Variants in NCAM2 observed in about 807,000 individuals in gnomAD.
NCAM2 encodes the protein neural cell adhesion molecule 2.
A neutral mutation model predicts 98.1 loss-of-function variants in NCAM2; 30 were observed. The observed-to-expected ratio is 0.31, with a 90% CI of 0.23 to 0.41. The LOEUF (loss-of-function observed/expected upper bound fraction) is 0.41, where lower values mean the gene tolerates loss of function less well. Ranked by LOEUF, NCAM2 falls within the 10% of genes least tolerant of loss-of-function variation. NCAM2 has a pLI of 1.00. For missense variants in NCAM2, 867 were observed against 1,005.8 expected (o/e 0.86, Z 1.87); for synonymous variants, 368 against 342.4 (o/e 1.07, Z -0.83).
In NCAM2 at chr21:21,174,010, G is replaced by A. The variant is rs560825395; in HGVS notation, c.56-106568G>A. Reference sequence around the variant, plus strand: ...GCAATCTCAGCTCACTGCAACCTCCGCCTCCCGAGTTCAAGCGATTCTCCT... The same window carrying A: ...GCAATCTCAGCTCACTGCAACCTCCACCTCCCGAGTTCAAGCGATTCTCCT... On this transcript the variant is annotated intron_variant, in intron 1 of 17. Transcript: ENST00000400546. 1.1e-4 allele frequency among the ~76,000 whole-genome samples: 16 copies of A among 152,102 alleles called. 1 individual carries two copies. Among genetic ancestry groups the A allele is most frequent in the Middle Eastern group, 3.4e-3 (1 of 292 alleles).
intron 1 of NCAM2, among the ~76,000 whole-genome samples, chr21:21,131,267 G>T (rs191258593): frequency 1.5e-5 from 2 of 130,118 alleles, no homozygotes; most frequent in African/African-American, 3.2e-5. Flanking sequence ...TATTTCTAGG[G>T]TTTAATTTTT....
At chr21:21,274,297 A>G (rs1379815365) in intron 1 of NCAM2, among the ~76,000 whole-genome samples, 1 of 152,214 alleles carries the variant, frequency 6.6e-6, no homozygotes, top group Non-Finnish European at 1.5e-5. Context: ...AGATGTATGC[A>G]GGTAAAGAGG....
chr21:21,287,358 T>G (rs2073139645), intron 4 of NCAM2, among the ~76,000 whole-genome samples: 1 of 152,020 alleles, frequency 6.6e-6, no homozygotes, highest in South Asian at 2.1e-4. Flanking sequence ...ACTTTTTTAA[T>G]TTTGAAAGAA....
At chr21:21,099,887 C>G (rs769944789) in intron 1 of NCAM2, among the ~76,000 whole-genome samples, 19 of 151,104 alleles carry the variant, frequency 1.3e-4, no homozygotes, top group Non-Finnish European at 1.9e-4. Context: ...ACTCATGACA[C>G]TTGGGTTTAT....
At chr21:21,034,314 G>A (rs1245377071) in intron 1 of NCAM2, among the ~76,000 whole-genome samples, 1 of 152,238 alleles carries the variant, frequency 6.6e-6, no homozygotes, top group East Asian at 1.9e-4. Flanking sequence ...ACAAAAAAAG[G>A]TTGATGTTTG....
At chr21:21,251,501 C>G (rs12106468) in intron 1 of NCAM2, among the ~76,000 whole-genome samples, 1 of 152,134 alleles carries the variant, frequency 6.6e-6, no homozygotes, top group African/African-American at 2.4e-5. Context: ...TTTTTTATGG[C>G]TACATAGTAT....
In NCAM2 at chr21:21,056,621, C is replaced by T. The variant is rs1000803863; in HGVS notation, c.55+58003C>T. Among the ~76,000 whole-genome samples the T allele has an allele frequency of 9.3e-5, 14 of 151,208 alleles. No homozygotes were observed. The Admixed American group carries it at 9.3e-4, about 10-fold the overall frequency. On this transcript the variant is annotated intron_variant, in intron 1 of 17. Transcript: ENST00000400546. ...TTCAATCACAAAGACGATTACTTCT[C>T]CTAAAGAAAAAACAGAGGTGTGACA...
chr21:21,163,258 G>A (rs1270419571), intron 1 of NCAM2, among the ~76,000 whole-genome samples: 1 of 151,662 alleles, frequency 6.6e-6, no homozygotes, highest in East Asian at 1.9e-4. Flanking sequence ...CAAAATAGAG[G>A]TCGGTGATTA....
chr21:21,050,074 GACTA>G (rs2065076647), intron 1 of NCAM2, among the ~76,000 whole-genome samples: 1 of 151,234 alleles, frequency 6.6e-6, no homozygotes, highest in Non-Finnish European at 1.5e-5. Flanking sequence ...TTCTCAAGTT[GACTA>G]ACTAGACTTT....
At chr21:21,503,347 G>C (rs1987758503) in intron 15 of NCAM2, among the ~76,000 whole-genome samples, 1 of 151,770 alleles carries the variant, frequency 6.6e-6, no homozygotes, top group Non-Finnish European at 1.5e-5. Flanking sequence ...AGTAAAATAA[G>C]GGTTATTGAA....
chr21:21,040,543 T>C (rs1038382473), intron 1 of NCAM2, among the ~76,000 whole-genome samples: 1 of 151,884 alleles, frequency 6.6e-6, no homozygotes, highest in East Asian at 1.9e-4. Flanking sequence ...AACCTACATG[T>C]CCATCAGTAG....
chr21:21,434,254 A>G (rs181558851), intron 12 of NCAM2, among the ~76,000 whole-genome samples: 1 of 152,358 alleles, frequency 6.6e-6, no homozygotes, highest in Admixed American at 6.5e-5. Context: ...TTGGTATATT[A>G]TGAAGATACA....
intron 6 of NCAM2, among the ~76,000 whole-genome samples, chr21:21,333,675 A>G (rs1046804638): frequency 6.6e-6 from 1 of 152,126 alleles, no homozygotes; most frequent in African/African-American, 2.4e-5. Context: ...CACATACTGT[A>G]GTTCTCTGAT....
At chr21:21,028,014 C>T (rs2064590405) in intron 1 of NCAM2, among the ~76,000 whole-genome samples, 1 of 152,054 alleles carries the variant, frequency 6.6e-6, no homozygotes, top group African/African-American at 2.4e-5. Flanking sequence ...CAGGCAGGCT[C>T]CACCACACCC....
intron 11 of NCAM2, among the ~76,000 whole-genome samples, chr21:21,422,186 T>C (rs2145975599): frequency 6.6e-6 from 1 of 152,268 alleles, no homozygotes. Context: ...TTGGAGGCCA[T>C]TCACCTAAGT....
At chr21:21,089,886 T>C (rs531353142) in intron 1 of NCAM2, among the ~76,000 whole-genome samples, 1 of 152,300 alleles carries the variant, frequency 6.6e-6, no homozygotes, top group African/African-American at 2.4e-5. Flanking sequence ...GGCCACTCTA[T>C]TTACTTATTT....
At chr21:21,233,360 T>C (rs2070702084) in intron 1 of NCAM2, among the ~76,000 whole-genome samples, 2 of 151,688 alleles carry the variant, frequency 1.3e-5, no homozygotes, top group Non-Finnish European at 3.0e-5. Context: ...TCATTTAAAC[T>C]GGAGTTCCCT....
intron 1 of NCAM2, among the ~76,000 whole-genome samples, chr21:21,251,323 GC>G (rs138057794): frequency 0.023 from 3,474 of 150,840 alleles, 60 homozygotes; most frequent in Admixed American, 0.045. Context: ...CCCTCTCCTT[GC>G]CCCCCACCCC....
intron 5 of NCAM2, among the ~76,000 whole-genome samples, chr21:21,293,288 A>AATT (rs530314999): frequency 7.8e-4 from 117 of 149,170 alleles, no homozygotes; most frequent in African/African-American, 2.6e-3. Context: ...TGGTGATCTA[A>AATT]TTTTTTTTTT....
Sources: allele counts gnomAD v4.1 joint callset (sites outside exome capture counted in the v4.1 genomes callset), GRCh38; gene constraint gnomAD v4.1.1; transcripts MANE v1.5; gene names NCBI Gene and HGNC (gene_info 2026-07-23, HGNC 2026-07-21).